AHNAK2: variants seen among roughly 807,000 people sequenced by gnomAD.
AHNAK2 encodes protein AHNAK2.
In AHNAK2, 18 loss-of-function variants were observed where a neutral mutation model predicts 30.7. The ratio of observed to expected loss-of-function variants is 0.59; its 90% CI spans 0.41 to 0.87. AHNAK2 has a LOEUF of 0.87. Ranked by LOEUF, AHNAK2 falls within the 40% of genes least tolerant of loss-of-function variation. AHNAK2 has a pLI of 0.00. For synonymous variants in AHNAK2, 3,590 were observed against 3,073.8 expected (o/e 1.17, Z -5.56); for missense variants, 8,604 against 7,373.0 (o/e 1.17, Z -6.11).
In AHNAK2 at chr14:104,939,767, T is replaced by G; in HGVS notation, c.15684A>C (p.Ala5228=). 1 of 1,613,854 alleles carries G rather than the reference T, an allele frequency of 6.2e-7. No homozygotes were observed. The highest frequency in any genetic ancestry group is 2.2e-5 in the East Asian group (1 of 44,890). Residue 5228 remains alanine, a synonymous_variant, in exon 7 of 7, where the codon GCA becomes GCC. Coordinates refer to ENST00000333244, the MANE Select transcript of AHNAK2 (RefSeq NM_138420.4). ...CAAGGAACTCTTTGACTTTAGCTGC[T>G]GCTTCACCCCCTGTTGCTGCCGGTG... is the stretch of plus-strand genomic sequence containing the variant. ...TQAPAATGGE[A]AAKVKEFLVS...
In AHNAK2 at chr14:104,966,824, C is replaced by T. The variant is rs539486398; in HGVS notation, c.56-9152G>A. ...AGGAATCTGGCCAGAGCCTGCCCAC[C>T]GCTAAGCCAAGGGCAATGGCAGGTA... On this transcript the variant is annotated intron_variant, in intron 1 of 6. Transcript: ENST00000333244. The surrounding 1 kb of genome is among the most constrained non-coding windows in gnomAD (Gnocchi z 4.3). Among the ~76,000 whole-genome samples the T allele has an allele frequency of 2.0e-5, 3 of 152,234 alleles. No homozygotes were observed. Among genetic ancestry groups the T allele is most frequent in the Non-Finnish European group, 2.9e-5 (2 of 68,040 alleles).
rs1415598709 is a variant in AHNAK2, at chr14:104,937,615, A to G, written c.*448T>C. 6.3e-6 allele frequency: 1 copy of G among 159,616 alleles called. No individual in the cohort carries two copies. The highest frequency in any genetic ancestry group is 2.4e-5 in the African/African-American group (1 of 41,680). The allele number at this position is 159,616 out of a possible 1,614,324, so 9.9% of individuals were successfully genotyped here. A position where few individuals can be genotyped will look rare whatever the true frequency, so the allele number is the denominator to read the frequency against. On this transcript the variant is annotated 3_prime_UTR_variant, in exon 7 of 7. Transcript: ENST00000333244. ...GAATATACCGCACTCTGCCTGAAAT[A>G]GGAAAACTATGTTTGCCGGGAAGCA...
chr14:104,952,885 C>T lies in AHNAK2; in HGVS notation c.2566G>A (p.Val856Met), dbSNP rs116578309. 2,384 of 1,612,376 alleles carry T rather than the reference C, an allele frequency of 1.5e-3. 91 individuals are homozygous for T. In the African/African-American group the frequency reaches 0.029, roughly 20 times the overall value. Residue 856 changes from valine to methionine, a missense_variant, in exon 7 of 7, where the codon GTG (valine) becomes ATG (methionine). By Grantham distance (21) the Val-to-Met change is conservative. Transcript: ENST00000333244. ...TCCACCTTCGGCGCAGACACATCCA[C>T]CGAGTCCTCCATGGACTTGCCTGGG... ...SAPGKSMEDS[V>M]DVSAPKVEAD...
At chr14:104,969,406 G>C (rs912370175) in intron 1 of AHNAK2, among the ~76,000 whole-genome samples, 10 of 152,222 alleles carry the variant, frequency 6.6e-5, no homozygotes, top group African/African-American at 2.4e-4. Flanking sequence ...GCCTGCCTGG[G>C]CCACAGGCGC....
rs1166221673 is a variant in AHNAK2, at chr14:104,939,268, A to G, written c.16183T>C (p.Ser5395Pro). The change falls in exon 7 of 7, where the codon TCC becomes CCC. Residue 5395 changes from serine to proline, a missense_variant. Coordinates refer to ENST00000333244, the MANE Select transcript of AHNAK2 (RefSeq NM_138420.4). Reference protein sequence around the residue: ...KFPKLMVPRFSFPAPSSEDDV... With the variant: ...KFPKLMVPRFPFPAPSSEDDV... ...TCCTCTGAGCTGGGGGCAGGGAAGGAGAACCTTGGTACCATTAATTTGGGG... is the reference window on the plus strand; with the variant it reads ...TCCTCTGAGCTGGGGGCAGGGAAGGGGAACCTTGGTACCATTAATTTGGGG... 4 of 1,613,910 alleles carry G rather than the reference A, an allele frequency of 2.5e-6. No individual in the cohort carries two copies. Among genetic ancestry groups the G allele is most frequent in the Non-Finnish European group, 3.4e-6 (4 of 1,179,900 alleles).
chr14:104,968,643 G>A (rs1316715795), intron 1 of AHNAK2, among the ~76,000 whole-genome samples: 2 of 152,224 alleles, frequency 1.3e-5, no homozygotes, highest in East Asian at 3.8e-4. Context: ...GCCTCCAGGT[G>A]GGAGGGCATG....
rs1898795033 is a variant in AHNAK2 at position 104,952,539 on chromosome 14, T to TG, written c.2911dup (p.Gln971ProfsTer75). ...CCACGCACCATCCAGCTTGGCCTTC[T>TG]GGGCCTGGACATCCACCTCCATGCT... On this transcript the variant is annotated frameshift_variant, in exon 7 of 7. Transcript: ENST00000333244. LOFTEE classifies it low-confidence loss of function (END_TRUNC). The TG allele has an allele frequency of 6.2e-7, 1 of 1,611,140 alleles. No individual in the cohort carries two copies. The highest frequency in any genetic ancestry group is 2.2e-5 in the East Asian group (1 of 44,604).
chr14:104,965,673 A>G (rs986143894), intron 1 of AHNAK2, among the ~76,000 whole-genome samples: 40 of 152,272 alleles, frequency 2.6e-4, no homozygotes, highest in African/African-American at 9.1e-4. Context: ...GGGAAGGAGC[A>G]TGTCCCTATC....
chr14:104,945,625 C>T lies in AHNAK2; in HGVS notation c.9826G>A (p.Val3276Met), dbSNP rs774659029. Reference sequence around the variant, plus strand: ...TTGGCTCCTGGGGCCTCGACGTCCACCTCCATGCTGGGCTGAGACACCTCC... The same window carrying T: ...TTGGCTCCTGGGGCCTCGACGTCCATCTCCATGCTGGGCTGAGACACCTCC... ...DVEVSQPSME[V>M]DVEAPGAKLD... Residue 3276 changes from valine (V) to methionine (M), a missense_variant, in exon 7 of 7, where the codon GTG becomes ATG. Transcript: ENST00000333244. 3.8e-6 allele frequency: 6 copies of T among 1,585,652 alleles called. No individual in the cohort carries two copies. The highest frequency in any genetic ancestry group is 4.3e-6 in the Non-Finnish European group (5 of 1,160,540).
Position 104,956,509 on chromosome 14 carries a change from T to C in AHNAK2, c.315+79A>G, listed in dbSNP as rs575463544. On this transcript the variant is annotated intron_variant, in intron 4 of 6. Coordinates refer to ENST00000333244, the MANE Select transcript of AHNAK2 (RefSeq NM_138420.4). Reference sequence around the variant, plus strand: ...CCAGCCTCTTTGCTCCTCCCCTGCCTGCTCTGACCTCGGACTCTCTGGCTG... The same window carrying C: ...CCAGCCTCTTTGCTCCTCCCCTGCCCGCTCTGACCTCGGACTCTCTGGCTG... 6.9e-4 allele frequency: 1,012 copies of C among 1,462,966 alleles called. 3 individuals carry two copies. The highest frequency in any genetic ancestry group is 2.9e-3 in the South Asian group (257 of 88,034). 90.6% of individuals were successfully genotyped at this position (1,462,966 alleles called of 1,614,324 possible).
rs1899302921 is a variant in AHNAK2, at chr14:104,966,353, T to C, written c.56-8681A>G. On this transcript the variant is annotated intron_variant, in intron 1 of 6. Coordinates refer to ENST00000333244, the MANE Select transcript of AHNAK2 (RefSeq NM_138420.4). The surrounding 1 kb of genome is among the most constrained non-coding windows in gnomAD (Gnocchi z 4.3). ...CTTGCCCACGGTGTCAGCCCAAGAA[T>C]TGTACCCCTGGCAACCCCACAACAC... Among the ~76,000 whole-genome samples, 1 of 151,750 alleles carries C rather than the reference T, an allele frequency of 6.6e-6. No individual in the cohort carries two copies. The highest frequency in any genetic ancestry group is 2.1e-4 in the South Asian group (1 of 4,812).
Position 104,949,727 on chromosome 14 carries a change from C to T in AHNAK2, c.5724G>A (p.Lys1908=), listed in dbSNP as rs770234950. Residue 1908 remains lysine (K), a synonymous_variant, in exon 7 of 7, where the codon AAG becomes AAA. Coordinates refer to ENST00000333244, the MANE Select transcript of AHNAK2 (RefSeq NM_138420.4). ...EGAGLKGHLP[K]VDMPSFKMPK... is the part of the protein sequence containing the mutation. ...GCATCTTGAAACTGGGCATATCCACCTTGGGCAAGTGCCCTTTGAGGCCGG... is the reference window on the plus strand; with the variant it reads ...GCATCTTGAAACTGGGCATATCCACTTTGGGCAAGTGCCCTTTGAGGCCGG... 32 of 1,587,334 alleles carry T rather than the reference C, an allele frequency of 2.0e-5. 6 individuals carry two copies. The African/African-American group carries it at 2.2e-4, about 11-fold the overall frequency.
At chr14:104,975,905 G>A (rs970096947) in intron 1 of AHNAK2, among the ~76,000 whole-genome samples, 6 of 152,192 alleles carry the variant, frequency 3.9e-5, no homozygotes, top group African/African-American at 1.2e-4. Flanking sequence ...ACAGAACAGC[G>A]AGACCACCTC....
intron 1 of AHNAK2, among the ~76,000 whole-genome samples, chr14:104,963,081 T>C (rs1899195309): frequency 6.6e-6 from 1 of 152,218 alleles, no homozygotes; most frequent in African/African-American, 2.4e-5. Flanking sequence ...GCAGTGAATG[T>C]ATCTGGCAAA....
rs949772791 is a variant in AHNAK2 at position 104,964,914 on chromosome 14, C to A, written c.56-7242G>T. 2.0e-5 allele frequency among the ~76,000 whole-genome samples: 3 copies of A among 152,196 alleles called. No individual in the cohort carries two copies. In the South Asian group the frequency reaches 6.2e-4, roughly 31 times the overall value. The stretch of plus-strand genomic sequence containing the variant: ...TTTACACTAATAAATCTGAAAATTT[C>A]GATTGATTGGATATATTCCTAGAAA... On this transcript the variant is annotated intron_variant, in intron 1 of 6. Transcript: ENST00000333244.
chr14:104,947,255 G>A lies in AHNAK2; in HGVS notation c.8196C>T (p.Pro2732=). Reference sequence around the variant, plus strand: ...TCTTGAAACTGGGCATCTGCAGCTTGGGCAGGTGCCCTTTGAGGCCGGCTC... The same window carrying A: ...TCTTGAAACTGGGCATCTGCAGCTTAGGCAGGTGCCCTTTGAGGCCGGCTC... ...PEGAGLKGHL[P]KLQMPSFKMP... is the part of the protein sequence containing the mutation. The change falls in exon 7 of 7, where the codon CCC becomes CCT. Residue 2732 remains proline (P), a synonymous_variant. Transcript: ENST00000333244. The A allele has an allele frequency of 6.2e-7, 1 of 1,611,654 alleles. No individual in the cohort carries two copies. Among genetic ancestry groups the A allele is most frequent in the Non-Finnish European group, 8.5e-7 (1 of 1,179,374 alleles).
At chr14:104,973,720 A>G (rs2140885171) in intron 1 of AHNAK2, among the ~76,000 whole-genome samples, 1 of 152,304 alleles carries the variant, frequency 6.6e-6, no homozygotes, top group East Asian at 1.9e-4. Flanking sequence ...TGCCTGGAAC[A>G]GCCTGGGCAA....
chr14:104,945,958 A>G lies in AHNAK2; in HGVS notation c.9493T>C (p.Leu3165=), dbSNP rs1396697417. The change falls in exon 7 of 7, where the codon TTG becomes CTG. Residue 3165 remains leucine, a synonymous_variant. Coordinates refer to ENST00000333244, the MANE Select transcript of AHNAK2 (RefSeq NM_138420.4). ...ACCTTTGGCGCAGACACATCCACCA[A>G]GACCTCAATGGACTTGCCTGGGGCA... The part of the protein sequence containing the change: ...VSAPGKSIEV[L]VDVSAPKVEA... The G allele has an allele frequency of 8.0e-7, 1 of 1,248,966 alleles. No individual in the cohort carries two copies. The highest frequency in any genetic ancestry group is 1.1e-6 in the Non-Finnish European group (1 of 882,590). The allele number at this position is 1,248,966 out of a possible 1,614,324, so 77.4% of individuals were successfully genotyped here.
Position 104,953,191 on chromosome 14 carries a change from G to C in AHNAK2, c.2260C>G (p.Leu754Val), listed in dbSNP as rs771091935. The C allele has an allele frequency of 1.2e-5, 19 of 1,612,828 alleles. No individual in the cohort carries two copies. The highest frequency in any genetic ancestry group is 1.5e-5 in the Non-Finnish European group (18 of 1,179,598). ...PEGPLPEGAS[L>V]KGHLPKVQRP... ...TGCACCTTGGGCAGGTGCCCTTTGA[G>C]GCTGGCTCCCTCGGGCAGGGGGCCC... Residue 754 changes from leucine to valine, a missense_variant, in exon 7 of 7, where the codon CTC becomes GTC. Coordinates refer to ENST00000333244, the MANE Select transcript of AHNAK2 (RefSeq NM_138420.4).
Sources: gnomAD v4.1 joint callset for allele counts (sites outside exome capture counted in the v4.1 genomes callset) on GRCh38, gnomAD v4.1.1 for gene constraint, Gnocchi (gnomAD v3.1) non-coding constraint, MANE v1.5 for transcripts, NCBI Gene and HGNC (gene_info 2026-07-23, HGNC 2026-07-21) for gene names.